The following PARG variants were observed in gnomAD, a reference collection of about 807,000 sequenced individuals.
PARG encodes poly(ADP-ribose) glycohydrolase.
A neutral mutation model predicts 113.0 loss-of-function variants in PARG; 35 were observed. The observed-to-expected ratio is 0.31, with a 90% confidence interval of 0.24 to 0.41. The LOEUF is 0.41. Among genes scored for constraint, PARG ranks in the 10% least tolerant of loss-of-function variants. PARG has a pLI of 1.00. For synonymous variants in PARG, 330 were observed against 409.9 expected (o/e 0.81, Z 2.36); for missense variants, 797 against 1,169.4 (o/e 0.68, Z 4.64).
intron 1 of PARG, among the ~76,000 whole-genome samples, chr10:49,938,339 C>G (rs1838845783): frequency 6.6e-6 from 1 of 152,020 alleles, no homozygotes. Flanking sequence ...CCACTGAGAT[C>G]AGTAATTCTC....
rs1460081855 is a variant in PARG at position 49,935,535 on chromosome 10, T to C, written c.218-393A>G. 3.2e-4 allele frequency among the ~76,000 whole-genome samples: 48 copies of C among 152,262 alleles called. 2 individuals are homozygous for C. The highest frequency in any genetic ancestry group is 3.1e-3 in the Admixed American group (48 of 15,292). On this transcript the variant is annotated intron_variant, in intron 1 of 17. Transcript: ENST00000616448. The stretch of plus-strand genomic sequence containing the variant: ...GGCTTAATTAAGTAAAAATAGTTCA[T>C]GTAAAGCATTTAGGGCATTATCTGG...
In PARG at chr10:49,837,206, C is replaced by A. The variant is rs529808988; in HGVS notation, c.2542-4298G>T. On this transcript the variant is annotated intron_variant, in intron 15 of 17. Transcript: ENST00000616448. The stretch of plus-strand genomic sequence containing the variant: ...GGATGGAGCAGACCTTTTCCAGAGG[C>A]CTGGAAAGCACTTTGTAGGATTGGC... 2.0e-5 allele frequency among the ~76,000 whole-genome samples: 3 copies of A among 152,138 alleles called. No individual in the cohort carries two copies. In the East Asian group the frequency reaches 5.8e-4, roughly 29 times the overall value.
chr10:49,856,577 A>G (rs1273623897), intron 13 of PARG, among the ~76,000 whole-genome samples: 7 of 152,246 alleles, frequency 4.6e-5, no homozygotes, highest in Non-Finnish European at 1.0e-4. Flanking sequence ...TATTTACACA[A>G]TGTCTTCATA....
chr10:49,895,012 C>T (rs1487898250), intron 7 of PARG, among the ~76,000 whole-genome samples: 2 of 152,128 alleles, frequency 1.3e-5, no homozygotes, highest in African/African-American at 4.8e-5. Context: ...TAAGCGTTTT[C>T]CCTCAGTGTC....
intron 15 of PARG, 179 bp from the exon 16 acceptor site, chr10:49,833,087 A>G (rs1844751045): frequency 4.6e-6 from 2 of 435,334 alleles, no homozygotes; most frequent in South Asian, 1.1e-4. Flanking sequence ...AAAACCTGGG[A>G]TTATGCAAGG....
intron 13 of PARG, among the ~76,000 whole-genome samples, chr10:49,844,141 T>C (rs1454419942): frequency 1.3e-5 from 2 of 149,002 alleles, no homozygotes; most frequent in Non-Finnish European, 3.0e-5. Context: ...CGAGATTCAG[T>C]CTCAAAAGAA....
chr10:49,822,102 T>C lies in PARG; in HGVS notation c.2648-1809A>G, dbSNP rs376689556. On this transcript the variant is annotated intron_variant, in intron 16 of 17. Transcript: ENST00000616448. ...ATGTGTTGATGCTGCTGGGAACAGGTGTCTCACTATGGAAGGAGGGACACA... is the reference window on the plus strand; with the variant it reads ...ATGTGTTGATGCTGCTGGGAACAGGCGTCTCACTATGGAAGGAGGGACACA... Among the ~76,000 whole-genome samples the C allele has an allele frequency of 5.9e-5, 9 of 152,166 alleles. No individual in the cohort carries two copies. The East Asian group carries it at 1.4e-3, about 23-fold the overall frequency.
chr10:49,845,839 G>C (rs1360602681), intron 13 of PARG, among the ~76,000 whole-genome samples: 1 of 151,614 alleles, frequency 6.6e-6, no homozygotes, highest in Non-Finnish European at 1.5e-5. Context: ...AGAGGTTGCA[G>C]TGAGCCAAGG....
rs1554909986 is a variant in PARG, at chr10:49,932,159, G to C, written c.1396C>G (p.Arg466Gly). ...TPIEEMRRMP[R>G]CGIRLPLLRP... Reference sequence around the variant, plus strand: ...AAGAGAGGCAGCCGGATCCCACACCGAGGCATTCTTCTCATCTCCTCAATG... The same window carrying C: ...AAGAGAGGCAGCCGGATCCCACACCCAGGCATTCTTCTCATCTCCTCAATG... Residue 466 changes from arginine to glycine, a missense_variant, in exon 4 of 18, where the codon CGG (arginine) becomes GGG (glycine). Arg to Gly is a moderately radical substitution (Grantham distance 125, BLOSUM62 -2). This residue lies in a region of PARG where 252 missense variants were observed against 437.4 expected (regional missense o/e 0.58). Coordinates refer to ENST00000616448, the MANE Select transcript of PARG (RefSeq NM_003631.5). The C allele has an allele frequency of 6.2e-6, 10 of 1,606,544 alleles. 1 individual carries two copies. The South Asian group carries it at 8.8e-5, about 14-fold the overall frequency.
intron 4 of PARG, among the ~76,000 whole-genome samples, chr10:49,931,474 C>T (rs1838474729): frequency 6.6e-6 from 1 of 152,038 alleles, no homozygotes; most frequent in African/African-American, 2.4e-5. Flanking sequence ...GCTGGCACCA[C>T]CCAGATGGAT....
chr10:49,893,432 A>C (rs748440778), intron 7 of PARG, among the ~76,000 whole-genome samples: 3 of 151,982 alleles, frequency 2.0e-5, no homozygotes, highest in African/African-American at 7.2e-5. Context: ...TTATTTTTCA[A>C]TTGTAGTTCT....
chr10:49,825,677 A>G (rs887686788), intron 16 of PARG, among the ~76,000 whole-genome samples: 1 of 152,190 alleles, frequency 6.6e-6, no homozygotes, highest in Non-Finnish European at 1.5e-5. Context: ...GTTGGTTCTG[A>G]CACTTGCTAG....
rs978654228 is a variant in PARG, at chr10:49,818,320, C to T, written c.*1020G>A. The T allele has an allele frequency of 6.6e-6, 1 of 152,302 alleles. No individual in the cohort carries two copies. The highest frequency in any genetic ancestry group is 2.4e-5 in the African/African-American group (1 of 41,350). 9.4% of individuals were successfully genotyped at this position (152,302 alleles called of 1,614,324 possible). A position where few individuals can be genotyped will look rare whatever the true frequency, so the allele number is the denominator to read the frequency against. The stretch of plus-strand genomic sequence containing the variant: ...CAATTTTATTTAGATTTTATGTGCT[C>T]ACATATAGACACACTTAAAGAGCAT... On this transcript the variant is annotated 3_prime_UTR_variant, in exon 18 of 18. Coordinates refer to ENST00000616448, the MANE Select transcript of PARG (RefSeq NM_003631.5).
At chr10:49,912,341 G>A (rs558487252) in intron 7 of PARG, among the ~76,000 whole-genome samples, 40 of 152,112 alleles carry the variant, frequency 2.6e-4, no homozygotes, top group Admixed American at 1.6e-3. Context: ...AAAATATTGC[G>A]AAACCCTGCT....
At chr10:49,889,772 G>A (rs1254882493) in intron 7 of PARG, among the ~76,000 whole-genome samples, 1 of 152,168 alleles carries the variant, frequency 6.6e-6, no homozygotes. Flanking sequence ...GCGCTCTGCT[G>A]ACAAGCTTTA....
chr10:49,838,995 T>A (rs927816145), intron 15 of PARG, among the ~76,000 whole-genome samples: 1 of 152,202 alleles, frequency 6.6e-6, no homozygotes, highest in Non-Finnish European at 1.5e-5. Flanking sequence ...AATGTACTTA[T>A]GTAACTTCTA....
chr10:49,902,449 C>A (rs1272120732), intron 7 of PARG, among the ~76,000 whole-genome samples: 1 of 152,060 alleles, frequency 6.6e-6, no homozygotes, highest in Admixed American at 6.6e-5. Context: ...CTTTTGCATG[C>A]AGGGAATTAA....
At chr10:49,837,189 C>G (rs562474168) in intron 15 of PARG, among the ~76,000 whole-genome samples, 2 of 152,026 alleles carry the variant, frequency 1.3e-5, no homozygotes, top group African/African-American at 4.8e-5. Flanking sequence ...CTGGATGGAG[C>G]AGACCTTTTC....
chr10:49,933,575 A>T lies in PARG; in HGVS notation c.873T>A (p.Ser291=). 2 of 1,611,504 alleles carry T rather than the reference A, an allele frequency of 1.2e-6. No homozygotes were observed. The highest frequency in any genetic ancestry group is 1.7e-6 in the Non-Finnish European group (2 of 1,177,816). The change falls in exon 3 of 18, where the codon TCT becomes TCA. Residue 291 remains serine, a synonymous_variant. Coordinates refer to ENST00000616448, the MANE Select transcript of PARG (RefSeq NM_003631.5). ...GTTCACTTTCCTTCTCAAATGGAGG[A>T]GAATTTCCTAGGCAACTTTCTTGTC... ...LTRQESCLGN[S]PPFEKESEPE...
Sources: gnomAD v4.1 joint callset for allele counts (sites outside exome capture counted in the v4.1 genomes callset) on GRCh38, gnomAD v4.1.1 for gene constraint, gnomAD v4.1.1 regional missense constraint, MANE v1.5 for transcripts, NCBI Gene and HGNC (gene_info 2026-07-23, HGNC 2026-07-21) for gene names.